Variants in ERBB4 observed in about 807,000 individuals in gnomAD.
ERBB4 encodes the protein erb-b2 receptor tyrosine kinase 4.
Under a neutral mutation model 158.0 loss-of-function variants are expected in ERBB4, and 42 were observed. That is an observed-to-expected ratio of 0.27 (90% CI 0.21 to 0.34). The LOEUF (loss-of-function observed/expected upper bound fraction) is 0.34, where lower values mean the gene tolerates loss of function less well. Among genes scored for constraint, ERBB4 ranks in the 10% least tolerant of loss-of-function variants. The pLI is 1.00. For missense variants in ERBB4, 1,333 were observed against 1,624.1 expected (o/e 0.82, Z 3.08); for synonymous variants, 583 against 558.7 (o/e 1.04, Z -0.61).
At chr2:211,713,982 G>A (rs1349428465) in intron 7 of ERBB4, among the ~76,000 whole-genome samples, 2 of 152,114 alleles carry the variant, frequency 1.3e-5, no homozygotes, top group African/African-American at 2.4e-5. Context: ...ATGACATGAC[G>A]CAAGTTTGAA....
intron 3 of ERBB4, among the ~76,000 whole-genome samples, chr2:211,800,858 T>A (rs1476643941): frequency 2.0e-5 from 3 of 152,028 alleles, no homozygotes; most frequent in Non-Finnish European, 4.4e-5. Flanking sequence ...AATAAAAAAG[T>A]GAATTAAAAG....
chr2:212,444,385 T>A (rs985003896), intron 1 of ERBB4, among the ~76,000 whole-genome samples: 4 of 152,204 alleles, frequency 2.6e-5, no homozygotes, highest in Non-Finnish European at 5.9e-5. Flanking sequence ...TTATATACTG[T>A]TCATGGGTCA....
chr2:211,414,500 T>TAAAAAAAAAAAAAAAA (rs71047174), intron 25 of ERBB4, among the ~76,000 whole-genome samples: 2 of 102,110 alleles, frequency 2.0e-5, no homozygotes, highest in African/African-American at 3.6e-5. Flanking sequence ...CAGTCTCAAT[T>TAAAAAAAAAAAAAAAA]AAAAAAAAAA....
At chr2:212,315,674 T>C (rs1418123322) in intron 1 of ERBB4, among the ~76,000 whole-genome samples, 1 of 151,348 alleles carries the variant, frequency 6.6e-6, no homozygotes, top group Non-Finnish European at 1.5e-5. Context: ...GCTTTGGTTT[T>C]TTACATGGTC....
intron 1 of ERBB4, among the ~76,000 whole-genome samples, chr2:212,509,331 G>A (rs1691374488): frequency 6.6e-6 from 1 of 151,908 alleles, no homozygotes; most frequent in African/African-American, 2.4e-5. Context: ...GTGTCCATTT[G>A]GTATGTGTTT....
At chr2:212,392,250 T>C (rs1186970687) in intron 1 of ERBB4, among the ~76,000 whole-genome samples, 1 of 151,934 alleles carries the variant, frequency 6.6e-6, no homozygotes, top group Non-Finnish European at 1.5e-5. Flanking sequence ...ATTTAAATTA[T>C]TGAGTCATGC....
At chr2:211,631,999 A>C (rs1310980858) in intron 16 of ERBB4, among the ~76,000 whole-genome samples, 1 of 152,104 alleles carries the variant, frequency 6.6e-6, no homozygotes, top group Non-Finnish European at 1.5e-5. Context: ...CTCATAAAAA[A>C]AATCTGCGTA....
chr2:211,562,769 C>CTTTTTTTTTTTTTT (rs367801279), intron 19 of ERBB4, among the ~76,000 whole-genome samples: 2 of 125,712 alleles, frequency 1.6e-5, no homozygotes, highest in Admixed American at 7.7e-5. Context: ...ACTACTCCAA[C>CTTTTTTTTTTTTTT]TTTTTTTTTT....
At chr2:211,599,497 C>T (rs1169336837) in intron 19 of ERBB4, among the ~76,000 whole-genome samples, 2 of 15,546 alleles carry the variant, frequency 1.3e-4, no homozygotes, top group East Asian at 5.7e-3. Context: ...AACAGGCTCA[C>T]AGAAAATAAT....
intron 25 of ERBB4, among the ~76,000 whole-genome samples, chr2:211,412,881 G>T (rs1459718948): frequency 6.7e-6 from 1 of 148,938 alleles, no homozygotes. Context: ...TTGAACCTGG[G>T]AAGTGGAGAT....
intron 1 of ERBB4, among the ~76,000 whole-genome samples, chr2:212,350,145 A>G (rs2089189507): frequency 6.6e-6 from 1 of 152,128 alleles, no homozygotes; most frequent in South Asian, 2.1e-4. Flanking sequence ...ATTCCAACAA[A>G]AAGTGCTATA....
At chr2:211,829,476 C>T (rs958687900) in intron 3 of ERBB4, among the ~76,000 whole-genome samples, 3 of 152,074 alleles carry the variant, frequency 2.0e-5, no homozygotes, top group Non-Finnish European at 4.4e-5. Flanking sequence ...CAGTTACTTT[C>T]TACGTCATCA....
In ERBB4 at chr2:212,070,117, C is replaced by G. The variant is rs561660361; in HGVS notation, c.234+54635G>C. On this transcript the variant is annotated intron_variant, in intron 2 of 27. Transcript: ENST00000342788. ...CCTGGCTGACAGAGTAAGACCTTGTCTCTTAAAGAAAAAATGAAAATAATT... is the reference window on the plus strand; with the variant it reads ...CCTGGCTGACAGAGTAAGACCTTGTGTCTTAAAGAAAAAATGAAAATAATT... Among the ~76,000 whole-genome samples the G allele has an allele frequency of 2.0e-5, 3 of 151,916 alleles. No individual in the cohort carries two copies. In the East Asian group the frequency reaches 5.8e-4, roughly 29 times the overall value.
chr2:212,410,527 T>C (rs2091466500), intron 1 of ERBB4, among the ~76,000 whole-genome samples: 1 of 152,102 alleles, frequency 6.6e-6, no homozygotes, highest in South Asian at 2.1e-4. Flanking sequence ...ATATTTGTTT[T>C]TAAATTATGC....
chr2:212,165,321 T>C (rs1553575312), intron 1 of ERBB4, among the ~76,000 whole-genome samples: 2 of 151,918 alleles, frequency 1.3e-5, no homozygotes, highest in South Asian at 2.1e-4. Context: ...AATATATATA[T>C]ATATTTACTG....
At chr2:211,702,228 T>C (rs1575013465) in intron 11 of ERBB4, 62 bp from the exon 12 acceptor site, 3 of 1,191,738 alleles carry the variant, frequency 2.5e-6, no homozygotes, top group Middle Eastern at 1.9e-4. Context: ...AATAAGGCTG[T>C]CACATTTTAT....
intron 4 of ERBB4, among the ~76,000 whole-genome samples, chr2:211,764,051 CA>C (rs1473987616): frequency 6.6e-6 from 1 of 152,012 alleles, no homozygotes; most frequent in Non-Finnish European, 1.5e-5. Context: ...GAAAATGACC[CA>C]AAAGGCATTA....
chr2:211,503,103 T>G (rs1212984615), intron 20 of ERBB4, among the ~76,000 whole-genome samples: 1 of 152,004 alleles, frequency 6.6e-6, no homozygotes, highest in Non-Finnish European at 1.5e-5. Context: ...GACACCACAT[T>G]CCCACTGCAA....
chr2:211,583,296 C>T (rs1038122449), intron 19 of ERBB4, among the ~76,000 whole-genome samples: 2 of 151,854 alleles, frequency 1.3e-5, no homozygotes, highest in African/African-American at 4.8e-5. Flanking sequence ...CATAAATTTT[C>T]ATGTTTTCAA....
Sources: allele counts gnomAD v4.1 joint callset (sites outside exome capture counted in the v4.1 genomes callset), GRCh38; gene constraint gnomAD v4.1.1; transcripts MANE v1.5; gene names NCBI Gene and HGNC (gene_info 2026-07-23, HGNC 2026-07-21).